The following ANKRD33B variants were observed in gnomAD, a reference collection of about 807,000 sequenced individuals.
ANKRD33B encodes ankyrin repeat domain-containing protein 33B.
Under a neutral mutation model 21.5 loss-of-function variants are expected in ANKRD33B, and 6 were observed. That is an observed-to-expected ratio of 0.28 (90% CI 0.15 to 0.55). ANKRD33B has a LOEUF of 0.55. ANKRD33B is among the 20% of genes least tolerant of loss of function. The probability of loss-of-function intolerance (pLI) is 0.94; values close to 1 mark genes in which losing one functional copy is unlikely to be tolerated. For synonymous variants in ANKRD33B, 347 were observed against 342.4 expected (o/e 1.01, Z -0.15); for missense variants, 698 against 747.2 (o/e 0.93, Z 0.77).
Position 10,566,142 on chromosome 5 carries a change from CACA to C in ANKRD33B, c.366+1313_366+1315del, listed in dbSNP as rs1214190284. Among the ~76,000 whole-genome samples, 8 of 150,796 alleles carry C rather than the reference CACA, an allele frequency of 5.3e-5. No individual in the cohort carries two copies. The South Asian group carries it at 1.4e-3, about 27-fold the overall frequency. On this transcript the variant is annotated intron_variant, in intron 1 of 3. Coordinates refer to ENST00000296657, the MANE Select transcript of ANKRD33B (RefSeq NM_001164440.2). ...GTGGGGACACAGCCAAACCATATCA[CACA>C]ACATTTGAACTTGGAGGAAGGGTCT...
chr5:10,629,172 T>A (rs1296914369), intron 2 of ANKRD33B, among the ~76,000 whole-genome samples: 1 of 151,960 alleles, frequency 6.6e-6, no homozygotes, highest in East Asian at 1.9e-4. Flanking sequence ...GCTGCTGGTG[T>A]GGAGAATGAA....
intron 1 of ANKRD33B, among the ~76,000 whole-genome samples, chr5:10,585,581 G>A (rs1735536823): frequency 6.6e-6 from 1 of 152,250 alleles, no homozygotes; most frequent in Admixed American, 6.5e-5. Context: ...CTTCCTGGGT[G>A]TTTGTGGCTT....
At chr5:10,592,858 G>A (rs538611853) in intron 1 of ANKRD33B, among the ~76,000 whole-genome samples, 1 of 152,158 alleles carries the variant, frequency 6.6e-6, no homozygotes, top group East Asian at 1.9e-4. Flanking sequence ...CAATGGTAGT[G>A]GAGTTTTTTG....
In ANKRD33B at chr5:10,564,692, C is replaced by T; in HGVS notation, c.225C>T (p.Val75=). The T allele has an allele frequency of 6.5e-7, 1 of 1,533,830 alleles. No homozygotes were observed. The highest frequency in any genetic ancestry group is 1.4e-5 in the African/African-American group (1 of 73,076). ...ACGGCGTCGAGAGCGCGGAGAGCGTCCCGGAGGGCGTCCCGGAAAGCGTCC... is the reference window on the plus strand; with the variant it reads ...ACGGCGTCGAGAGCGCGGAGAGCGTTCCGGAGGGCGTCCCGGAAAGCGTCC... ...EEHGVESAES[V]PEGVPESVPE... Residue 75 remains valine (V), a synonymous_variant, in exon 1 of 4, where the codon GTC becomes GTT. Transcript: ENST00000296657.
chr5:10,640,399 T>C (rs1354630907), intron 3 of ANKRD33B, among the ~76,000 whole-genome samples: 1 of 152,210 alleles, frequency 6.6e-6, no homozygotes, highest in Non-Finnish European at 1.5e-5. Context: ...AACAATACTT[T>C]ATACACTCCT....
At chr5:10,598,471 T>C (rs1462298536) in intron 1 of ANKRD33B, among the ~76,000 whole-genome samples, 1 of 152,200 alleles carries the variant, frequency 6.6e-6, no homozygotes, top group Non-Finnish European at 1.5e-5. Context: ...TTCACCATGT[T>C]AGCCAGCCTG....
At position 10,615,392 on chromosome 5, in the gene ANKRD33B, T is replaced by C. The variant is rs898379840; in HGVS notation, c.367-2941T>C. On this transcript the variant is annotated intron_variant, in intron 1 of 3. Transcript: ENST00000296657. ...AAAGCCTTAGCTCTAGGGCTTTTCA[T>C]TGCAGGTTTTACTCATGAGAAAGAA... 3.3e-5 allele frequency among the ~76,000 whole-genome samples: 5 copies of C among 152,342 alleles called. 1 individual carries two copies. Among genetic ancestry groups the C allele is most frequent in the Admixed American group, 1.3e-4 (2 of 15,308 alleles).
At chr5:10,640,565 AT>A (rs1204770598) in intron 3 of ANKRD33B, among the ~76,000 whole-genome samples, 1 of 152,248 alleles carries the variant, frequency 6.6e-6, no homozygotes, top group African/African-American at 2.4e-5. Context: ...TGTCAAGCAC[AT>A]GTCGTGTTAG....
intron 2 of ANKRD33B, 85 bp downstream of exon 2, chr5:10,618,547 C>A: frequency 6.9e-7 from 1 of 1,440,754 alleles, no homozygotes; most frequent in Non-Finnish European, 9.2e-7. Flanking sequence ...GCGATGCAGT[C>A]AGGATGGAAA....
At chr5:10,582,331 G>A (rs891376355) in intron 1 of ANKRD33B, among the ~76,000 whole-genome samples, 2 of 152,152 alleles carry the variant, frequency 1.3e-5, no homozygotes, top group African/African-American at 2.4e-5. Flanking sequence ...CTGGCTGCCC[G>A]TGTTTACAAT....
At chr5:10,648,213 G>C (rs1336245955) in intron 3 of ANKRD33B, among the ~76,000 whole-genome samples, 1 of 152,172 alleles carries the variant, frequency 6.6e-6, no homozygotes, top group Non-Finnish European at 1.5e-5. Context: ...CCCACCATCG[G>C]TTAAAGGTAG....
At chr5:10,568,857 A>G (rs1427312659) in intron 1 of ANKRD33B, among the ~76,000 whole-genome samples, 1 of 152,074 alleles carries the variant, frequency 6.6e-6, no homozygotes, top group Admixed American at 6.6e-5. Flanking sequence ...TTAAATTTCC[A>G]GGGTCTCTTG....
intron 3 of ANKRD33B, among the ~76,000 whole-genome samples, chr5:10,644,113 C>T (rs1394508116): frequency 6.6e-6 from 1 of 151,800 alleles, no homozygotes; most frequent in Non-Finnish European, 1.5e-5. Flanking sequence ...AAGTCTTATT[C>T]TTTCCATTTA....
chr5:10,627,774 G>C (rs929949117), intron 2 of ANKRD33B, among the ~76,000 whole-genome samples: 2 of 152,234 alleles, frequency 1.3e-5, no homozygotes, highest in Non-Finnish European at 2.9e-5. Flanking sequence ...AGTAGAACTT[G>C]GTGAGTCTCG....
At chr5:10,595,176 A>C (rs1291118067) in intron 1 of ANKRD33B, among the ~76,000 whole-genome samples, 1 of 152,084 alleles carries the variant, frequency 6.6e-6, no homozygotes, top group Non-Finnish European at 1.5e-5. Flanking sequence ...TTACATCCTG[A>C]GCAGGAGAGG....
At chr5:10,620,035 G>A (rs553747771) in intron 2 of ANKRD33B, among the ~76,000 whole-genome samples, 9 of 152,274 alleles carry the variant, frequency 5.9e-5, no homozygotes, top group Admixed American at 3.3e-4. Context: ...GTAGGATGGC[G>A]TGTGTCTAGG....
intron 1 of ANKRD33B, among the ~76,000 whole-genome samples, chr5:10,611,076 G>T (rs1736161293): frequency 1.3e-5 from 2 of 152,030 alleles, no homozygotes; most frequent in African/African-American, 4.8e-5. Flanking sequence ...AAAATATATT[G>T]TTTATGGATA....
intron 2 of ANKRD33B, among the ~76,000 whole-genome samples, chr5:10,622,893 G>A (rs915249730): frequency 6.6e-6 from 1 of 150,948 alleles, no homozygotes. Flanking sequence ...GGATGACACA[G>A]GTCCTCTTGG....
At chr5:10,604,101 C>T (rs1735987770) in intron 1 of ANKRD33B, among the ~76,000 whole-genome samples, 1 of 151,390 alleles carries the variant, frequency 6.6e-6, no homozygotes, top group Admixed American at 6.6e-5. Context: ...ACCATGTTGG[C>T]CAGGCTGGTC....
Sources: allele counts gnomAD v4.1 joint callset (sites outside exome capture counted in the v4.1 genomes callset), GRCh38; gene constraint gnomAD v4.1.1; transcripts MANE v1.5; gene names NCBI Gene and HGNC (gene_info 2026-07-23, HGNC 2026-07-21).